KDM4C: variants seen among roughly 807,000 people sequenced by gnomAD.
The protein encoded by KDM4C is lysine demethylase 4C.
Under a neutral mutation model 129.3 loss-of-function variants are expected in KDM4C, and 81 were observed. The observed-to-expected ratio is 0.63, with a 90% CI of 0.52 to 0.75. The LOEUF (loss-of-function observed/expected upper bound fraction) is 0.75, where lower values mean the gene tolerates loss of function less well. Among genes scored for constraint, KDM4C ranks in the 30% least tolerant of loss-of-function variants. The probability of loss-of-function intolerance (pLI) is 0.00; values close to 1 mark genes in which losing one functional copy is unlikely to be tolerated. For synonymous variants in KDM4C, 573 were observed against 456.1 expected, an observed-to-expected ratio of 1.26 and a Z score of -3.26; for missense variants, 1,457 against 1,304.0, an observed-to-expected ratio of 1.12 and a Z score of -1.81.
In KDM4C at chr9:7,102,400, A is replaced by G. The variant is rs1248319959; in HGVS notation, c.2425-1285A>G. ...GGATATTAAGTACGATGGTGGTGAC[A>G]TGAGATTCGTGTTGTAAAGAATCAC... On this transcript the variant is annotated intron_variant, in intron 17 of 21. Transcript: ENST00000381309. 3.4e-5 allele frequency among the ~76,000 whole-genome samples: 5 copies of G among 147,774 alleles called. No homozygotes were observed. The South Asian group carries it at 8.5e-4, about 25-fold the overall frequency.
chr9:7,026,816 A>T (rs1310893856), intron 15 of KDM4C, among the ~76,000 whole-genome samples: 1 of 151,810 alleles, frequency 6.6e-6, no homozygotes, highest in Non-Finnish European at 1.5e-5. Context: ...TGTATTTTCA[A>T]ATAACCTGTC....
intron 15 of KDM4C, among the ~76,000 whole-genome samples, chr9:7,035,585 C>A (rs1363672575): frequency 6.6e-6 from 1 of 151,664 alleles, no homozygotes; most frequent in Non-Finnish European, 1.5e-5. Context: ...AAGTGTTTCC[C>A]TTATGTTTTC....
intron 8 of KDM4C, among the ~76,000 whole-genome samples, chr9:6,900,402 A>G (rs756991479): frequency 6.6e-6 from 1 of 152,258 alleles, no homozygotes; most frequent in Non-Finnish European, 1.5e-5. Flanking sequence ...GTCTTGTCCC[A>G]TGAAAGCTGT....
At chr9:7,103,267 C>G (rs1056252559) in intron 17 of KDM4C, among the ~76,000 whole-genome samples, 3 of 152,200 alleles carry the variant, frequency 2.0e-5, no homozygotes, top group Non-Finnish European at 4.4e-5. Flanking sequence ...GAAAGAATGA[C>G]CTGTCCTCCA....
intron 17 of KDM4C, among the ~76,000 whole-genome samples, chr9:7,063,393 G>A (rs1414258185): frequency 6.6e-6 from 1 of 152,176 alleles, no homozygotes; most frequent in African/African-American, 2.4e-5. Context: ...CATTGCCGAT[G>A]GCTAATGACC....
At position 6,856,616 on chromosome 9, in the gene KDM4C, C is replaced by T. The variant is rs568131892; in HGVS notation, c.629+6916C>T. Among the ~76,000 whole-genome samples the T allele has an allele frequency of 2.0e-4, 30 of 150,528 alleles. No individual in the cohort carries two copies. The South Asian group carries it at 3.2e-3, about 16-fold the overall frequency. ...TGAGACAGAGTCTCACTCTGTTTCC[C>T]GGGCTGAATGCGGTGTTGCGATGAT... On this transcript the variant is annotated intron_variant, in intron 5 of 21. Transcript: ENST00000381309.
At chr9:7,141,639 A>G (rs991984421) in intron 19 of KDM4C, among the ~76,000 whole-genome samples, 2 of 152,188 alleles carry the variant, frequency 1.3e-5, no homozygotes, top group Non-Finnish European at 2.9e-5. Flanking sequence ...GGAACTTCGG[A>G]AGAAGCCCAG....
intron 19 of KDM4C, among the ~76,000 whole-genome samples, chr9:7,164,764 G>A (rs1004281100): frequency 2.6e-5 from 4 of 152,108 alleles, no homozygotes; most frequent in Admixed American, 1.3e-4. Context: ...TTAAAGCCTC[G>A]CAGGAGTCTC....
rs60244122 is a variant in KDM4C, at chr9:6,988,158, TAA to T, written c.1677+1517_1677+1518del. On this transcript the variant is annotated intron_variant, in intron 11 of 21. Coordinates refer to ENST00000381309, the MANE Select transcript of KDM4C (RefSeq NM_015061.6). ...TGACAGAGTGAGAGACCCTGTCTCT[TAA>T]AAAAAAAAAAAAAAAAAAAAAAAAG... 4.8e-3 allele frequency among the ~76,000 whole-genome samples: 406 copies of T among 85,298 alleles called. 8 individuals carry two copies. The highest frequency in any genetic ancestry group is 9.1e-3 in the African/African-American group (199 of 21,782). The allele number at this position is 85,298 out of a possible 152,430, so 56.0% of individuals were successfully genotyped here.
At chr9:7,045,318 C>T (rs147829241) in intron 15 of KDM4C, among the ~76,000 whole-genome samples, 30 of 152,098 alleles carry the variant, frequency 2.0e-4, no homozygotes, top group Admixed American at 7.2e-4. Flanking sequence ...GCTTCACAGT[C>T]CACAACTCTT....
At chr9:6,960,596 T>C (rs928740637) in intron 8 of KDM4C, among the ~76,000 whole-genome samples, 1 of 152,046 alleles carries the variant, frequency 6.6e-6, no homozygotes, top group Non-Finnish European at 1.5e-5. Flanking sequence ...TCATAGAAAG[T>C]AGGAAAAAAG....
chr9:6,762,127 C>G (rs903018668), intron 1 of KDM4C, among the ~76,000 whole-genome samples: 2 of 151,848 alleles, frequency 1.3e-5, no homozygotes, highest in Admixed American at 1.3e-4. Context: ...ACTTTAAGTT[C>G]TAGGGTACAT....
chr9:7,107,937 A>G (rs1006115380), intron 18 of KDM4C, among the ~76,000 whole-genome samples: 5 of 152,252 alleles, frequency 3.3e-5, no homozygotes, highest in African/African-American at 1.2e-4. Flanking sequence ...ATTTGTTAAA[A>G]TAATTATCCG....
rs377720709 is a variant in KDM4C at position 6,984,202 on chromosome 9, G to T, written c.1152G>T (p.Lys384Asn). ...QCARSTSKRP[K>N]ADEEEEVSDE... The stretch of plus-strand genomic sequence containing the variant: ...CTAGGTCTACCTCTAAAAGGCCTAA[G>T]GCTGATGAGGAAGAGGAAGTGTCAG... The change falls in exon 10 of 22, where the codon AAG (lysine) becomes AAT (asparagine). Residue 384 changes from lysine (K) to asparagine (N), a missense_variant. Coordinates refer to ENST00000381309, the MANE Select transcript of KDM4C (RefSeq NM_015061.6). The T allele has an allele frequency of 1.9e-6, 3 of 1,613,766 alleles. No homozygotes were observed. The highest frequency in any genetic ancestry group is 2.2e-5 in the South Asian group (2 of 91,060).
chr9:6,835,702 G>C, intron 4 of KDM4C: 2 of 670,396 alleles, frequency 3.0e-6, no homozygotes, highest in Non-Finnish European at 5.4e-6. Context: ...TTTTGTTTTG[G>C]CTTGACTCAG....
At position 7,066,624 on chromosome 9, in the gene KDM4C, C is replaced by G. The variant is rs1283244470; in HGVS notation, c.2424+17424C>G. 3.3e-5 allele frequency among the ~76,000 whole-genome samples: 5 copies of G among 152,224 alleles called. No homozygotes were observed. The East Asian group carries it at 9.6e-4, about 29-fold the overall frequency. On this transcript the variant is annotated intron_variant, in intron 17 of 21. Coordinates refer to ENST00000381309, the MANE Select transcript of KDM4C (RefSeq NM_015061.6). ...TAATTTTTATAGTGGTATTTGTTAA[C>G]ATAAAATTTTAAATTATTCAGAGCT...
intron 8 of KDM4C, among the ~76,000 whole-genome samples, chr9:6,923,170 G>A (rs1437305204): frequency 6.6e-6 from 1 of 152,034 alleles, no homozygotes; most frequent in Non-Finnish European, 1.5e-5. Context: ...CCTGGGGGCC[G>A]AGATTATGGT....
At chr9:7,052,909 G>GAGAGCGAGAGA (rs767668455) in intron 17 of KDM4C, among the ~76,000 whole-genome samples, 2 of 100,192 alleles carry the variant, frequency 2.0e-5, no homozygotes, top group Non-Finnish European at 3.9e-5. Context: ...GAGCGAGCGA[G>GAGAGCGAGAGA]TGCCCAAGGG....
chr9:7,170,991 C>A, intron 21 of KDM4C: 1 of 164,562 alleles, frequency 6.1e-6, no homozygotes, highest in Non-Finnish European at 1.3e-5. Context: ...TGTTTGGCCG[C>A]GTTAAAGCCA....
Sources: allele counts gnomAD v4.1 joint callset (sites outside exome capture counted in the v4.1 genomes callset), GRCh38; gene constraint gnomAD v4.1.1; transcripts MANE v1.5; gene names NCBI Gene and HGNC (gene_info 2026-07-23, HGNC 2026-07-21).